Variants in SUGP2 observed in about 807,000 individuals in gnomAD.
The protein encoded by SUGP2 is SURP and G-patch domain-containing protein 2.
SUGP2 carries 24 observed loss-of-function variants against 90.5 expected under a neutral mutation model. The observed-to-expected ratio is 0.27, with a 90% confidence interval of 0.19 to 0.37. The LOEUF (loss-of-function observed/expected upper bound fraction) is 0.37, where lower values mean the gene tolerates loss of function less well. Ranked by LOEUF, SUGP2 falls within the 10% of genes least tolerant of loss-of-function variation. The pLI is 1.00. For synonymous variants in SUGP2, 473 were observed against 513.4 expected, an observed-to-expected ratio of 0.92 and a Z score of 1.06; for missense variants, 1,233 against 1,363.3, an observed-to-expected ratio of 0.90 and a Z score of 1.51.
chr19:19,008,023 G>T (rs1961595923), intron 6 of SUGP2, among the ~76,000 whole-genome samples: 1 of 151,976 alleles, frequency 6.6e-6, no homozygotes, highest in Non-Finnish European at 1.5e-5. Context: ...TCTCCCTTAG[G>T]CCCCTGGCTC....
Position 19,009,961 on chromosome 19 carries a change from A to C in SUGP2, c.2232T>G (p.Pro744=). 1 of 1,614,168 alleles carries C rather than the reference A, an allele frequency of 6.2e-7. No individual in the cohort carries two copies. Among genetic ancestry groups the C allele is most frequent in the Non-Finnish European group, 8.5e-7 (1 of 1,180,016 alleles). ...CTTCTAAGCTGGGGTCCTGAGGAGA[A>C]GGTCCAACTGGGTCTGGCGGGCAGT... is the stretch of plus-strand genomic sequence containing the variant. ...AKDCPPDPVG[P]SPQDPSLEAS... is the part of the protein sequence containing the mutation. The change falls in exon 5 of 11, where the codon CCT becomes CCG. Residue 744 remains proline, a synonymous_variant. Transcript: ENST00000452918.
At chr19:19,020,820 G>A (rs951977158) in intron 3 of SUGP2, among the ~76,000 whole-genome samples, 9 of 152,056 alleles carry the variant, frequency 5.9e-5, no homozygotes, top group East Asian at 3.9e-4. Flanking sequence ...ATGTTTCTTC[G>A]AATGGTAAGA....
intron 2 of SUGP2, among the ~76,000 whole-genome samples, chr19:19,029,443 C>CT (rs1275537915): frequency 2.5e-3 from 320 of 126,344 alleles, no homozygotes; most frequent in Non-Finnish European, 3.8e-3. Flanking sequence ...CATTTTTTTT[C>CT]TTTTTTTTTT....
At chr19:19,016,064 C>G (rs1278599442) in intron 4 of SUGP2, among the ~76,000 whole-genome samples, 1 of 152,210 alleles carries the variant, frequency 6.6e-6, no homozygotes, top group Non-Finnish European at 1.5e-5. Flanking sequence ...CATAGTGACT[C>G]TGTCTTCTAG....
intron 10 of SUGP2, 119 bp downstream of exon 10, chr19:18,994,247 T>C: frequency 7.2e-7 from 1 of 1,384,836 alleles, no homozygotes; most frequent in Non-Finnish European, 1.0e-6. Flanking sequence ...TTTTGTGATT[T>C]TTTTTGTGTG....
chr19:19,008,499 G>A, intron 5 of SUGP2, 71 bp from the exon 6 acceptor site: 2 of 1,233,182 alleles, frequency 1.6e-6, no homozygotes, highest in Non-Finnish European at 2.4e-6. Context: ...CTGCAGGGTT[G>A]TGGAGGCTGA....
chr19:19,026,830 C>T (rs189484249), intron 2 of SUGP2, among the ~76,000 whole-genome samples: 2 of 152,110 alleles, frequency 1.3e-5, no homozygotes, highest in Admixed American at 6.5e-5. Context: ...GAACCCATCC[C>T]TCGGAAAGGT....
At chr19:18,996,368 C>A (rs2057586384) in intron 8 of SUGP2, among the ~76,000 whole-genome samples, 1 of 152,116 alleles carries the variant, frequency 6.6e-6, no homozygotes, top group Non-Finnish European at 1.5e-5. Flanking sequence ...TGCATTCCAG[C>A]CTGGGCAACA....
chr19:19,008,735 T>A (rs1011613594), intron 5 of SUGP2, among the ~76,000 whole-genome samples: 2 of 152,166 alleles, frequency 1.3e-5, no homozygotes, highest in Non-Finnish European at 2.9e-5. Context: ...CCAACCCCAA[T>A]TGCCAGGTGA....
intron 4 of SUGP2, among the ~76,000 whole-genome samples, chr19:19,012,868 ATTT>A (rs749964263): frequency 6.8e-6 from 1 of 146,812 alleles, no homozygotes. Flanking sequence ...GACTTAAATG[ATTT>A]TTTTTTTTTT....
chr19:19,033,534 G>T (rs746491326), upstream of SUGP2: 24 of 1,387,674 alleles, frequency 1.7e-5, no homozygotes, highest in African/African-American at 1.8e-4. Flanking sequence ...ATGAACCAAC[G>T]GTCTCCGCAG....
At chr19:19,033,351 C>G in intron 1 of SUGP2, 86 bp downstream of exon 1, 1 of 1,147,550 alleles carries the variant, frequency 8.7e-7, no homozygotes, top group Non-Finnish European at 1.1e-6. Flanking sequence ...GACGCCATCA[C>G]GGAGCCCGGG....
rs10407260 is a variant in SUGP2 at position 19,004,124 on chromosome 19, A to G, written c.2929+44T>C. The G allele has an allele frequency of 4.4e-3, 6,433 of 1,453,308 alleles. 225 individuals carry two copies. The African/African-American group carries it at 0.081, about 18-fold the overall frequency. 90.0% of individuals were successfully genotyped at this position (1,453,308 alleles called of 1,614,324 possible). A position where few individuals can be genotyped will look rare whatever the true frequency, so the allele number is the denominator to read the frequency against. On this transcript the variant is annotated intron_variant, in intron 7 of 10. Coordinates refer to ENST00000452918, the MANE Select transcript of SUGP2 (RefSeq NM_001017392.5). ...TTCTAACTCTCACAGCCCACCAACC[A>G]AGAACTGTGCTAGAGGCAACTGTGC... is the stretch of plus-strand genomic sequence containing the variant.
intron 2 of SUGP2, among the ~76,000 whole-genome samples, chr19:19,027,927 T>C (rs2058998697): frequency 6.6e-6 from 1 of 152,132 alleles, no homozygotes; most frequent in Admixed American, 6.5e-5. Context: ...TGAGCCACCG[T>C]GTCACGCTGC....
At chr19:19,000,171 T>C (rs1168107142) in intron 8 of SUGP2, among the ~76,000 whole-genome samples, 1 of 152,236 alleles carries the variant, frequency 6.6e-6, no homozygotes, top group African/African-American at 2.4e-5. Context: ...CGGATTCCTC[T>C]GCTGCCACAA....
At chr19:18,995,729 C>T (rs1311423033) in intron 8 of SUGP2, among the ~76,000 whole-genome samples, 2 of 152,156 alleles carry the variant, frequency 1.3e-5, no homozygotes, top group South Asian at 4.1e-4. Flanking sequence ...GCTGGCAGCA[C>T]CCTCCCTGAA....
intron 3 of SUGP2, among the ~76,000 whole-genome samples, chr19:19,019,544 A>G (rs2058629578): frequency 6.6e-6 from 1 of 152,196 alleles, no homozygotes; most frequent in African/African-American, 2.4e-5. Flanking sequence ...ATATTACTTA[A>G]TAATTTGAGT....
chr19:19,019,991 C>CA (rs11434968), intron 3 of SUGP2, among the ~76,000 whole-genome samples: 2,977 of 34,830 alleles, frequency 0.085, 241 homozygotes, highest in Middle Eastern at 0.3. Flanking sequence ...TGCTAAAATA[C>CA]AAAAAAAAAA....
rs757863123 is a variant in SUGP2 at position 18,994,346 on chromosome 19, A to G, written c.*20T>C. On this transcript the variant is annotated intron_variant, in intron 10 of 10. Coordinates refer to ENST00000452918, the MANE Select transcript of SUGP2 (RefSeq NM_001017392.5). ...CGCCAGCGAGGGCAGACGGCCTTACACACTGGCCTGTGAACATACCTATTT... is the reference window on the plus strand; with the variant it reads ...CGCCAGCGAGGGCAGACGGCCTTACGCACTGGCCTGTGAACATACCTATTT... The G allele has an allele frequency of 1.9e-6, 3 of 1,613,312 alleles. No individual in the cohort carries two copies. Among genetic ancestry groups the G allele is most frequent in the Non-Finnish European group, 1.7e-6 (2 of 1,179,516 alleles).
Sources: gnomAD v4.1 joint callset for allele counts (sites outside exome capture counted in the v4.1 genomes callset) on GRCh38, gnomAD v4.1.1 for gene constraint, MANE v1.5 for transcripts, NCBI Gene and HGNC (gene_info 2026-07-23, HGNC 2026-07-21) for gene names.